Variants in ZCWPW2 observed in about 807,000 individuals in gnomAD.
The protein encoded by ZCWPW2 is zinc finger CW-type and PWWP domain containing 2, also known as zinc finger CW-type PWWP domain protein 2.
A neutral mutation model predicts 46.6 loss-of-function variants in ZCWPW2; 45 were observed. The ratio of observed to expected loss-of-function variants is 0.96; its 90% CI spans 0.76 to 1.24. ZCWPW2 has a LOEUF of 1.24. ZCWPW2 is among the 50% of genes most tolerant of loss of function. The pLI is 0.00. For missense variants in ZCWPW2, 429 were observed against 403.9 expected (o/e 1.06, Z -0.53); for synonymous variants, 152 against 137.1 (o/e 1.11, Z -0.76).
chr3:28,472,187 A>G (rs1699063334), intron 4 of ZCWPW2, among the ~76,000 whole-genome samples: 1 of 152,168 alleles, frequency 6.6e-6, no homozygotes, highest in Non-Finnish European at 1.5e-5. Context: ...CCCTATGAAA[A>G]TACCAATGAC....
intron 4 of ZCWPW2, among the ~76,000 whole-genome samples, chr3:28,471,915 G>A (rs1028184037): frequency 2.6e-5 from 4 of 151,988 alleles, no homozygotes; most frequent in Non-Finnish European, 4.4e-5. Context: ...ACATCAGTGG[G>A]ATATTTATAT....
chr3:28,435,409 A>T, intron 4 of ZCWPW2, 140 bp downstream of exon 4: 2 of 716,546 alleles, frequency 2.8e-6, no homozygotes, highest in Non-Finnish European at 4.0e-6. Flanking sequence ...AAATATTTGT[A>T]TTTTTAGTGT....
At chr3:28,479,804 A>C (rs751970171) in intron 5 of ZCWPW2, among the ~76,000 whole-genome samples, 2 of 152,284 alleles carry the variant, frequency 1.3e-5, no homozygotes, top group Non-Finnish European at 2.9e-5. Flanking sequence ...TTAGTTTGCT[A>C]ATGCTAATGG....
chr3:28,453,795 GTATA>G (rs564136567), intron 4 of ZCWPW2, among the ~76,000 whole-genome samples: 51 of 142,952 alleles, frequency 3.6e-4, no homozygotes, highest in Admixed American at 2.1e-3. Flanking sequence ...TTATAATTGT[GTATA>G]TTTATTTATT....
At position 28,413,236 on chromosome 3, in the gene ZCWPW2, A is replaced by T; in HGVS notation, c.168A>T (p.Glu56Asp). Residue 56 changes from glutamate to aspartate, a missense_variant, in exon 3 of 10, where the codon GAA (glutamate) becomes GAT (aspartate). By Grantham distance (45) the Glu-to-Asp change is conservative (BLOSUM62 2). Transcript: ENST00000383768. ...ATTCAGCCAAGGTTGATCATGATGA[A>T]CCATGGTACTGCTTCATGAACACTG... is the stretch of plus-strand genomic sequence containing the variant. ...SEDSAKVDHDEPWYCFMNTDS... is the reference protein window; with the variant it reads ...SEDSAKVDHDDPWYCFMNTDS... 6.2e-7 allele frequency: 1 copy of T among 1,613,378 alleles called. No individual in the cohort carries two copies. The highest frequency in any genetic ancestry group is 8.5e-7 in the Non-Finnish European group (1 of 1,179,558).
At chr3:28,392,714 G>A (rs1204558219) in intron 2 of ZCWPW2, among the ~76,000 whole-genome samples, 1 of 151,814 alleles carries the variant, frequency 6.6e-6, no homozygotes, top group African/African-American at 2.4e-5. Context: ...CACAACCAAT[G>A]GCTCACTGAA....
chr3:28,430,987 A>G, intron 3 of ZCWPW2, among the ~76,000 whole-genome samples: 1 of 152,222 alleles, frequency 6.6e-6, no homozygotes, highest in East Asian at 1.9e-4. Flanking sequence ...ATGAACTAAT[A>G]CAAGTAATAA....
At chr3:28,458,408 A>G (rs914515311) in intron 4 of ZCWPW2, among the ~76,000 whole-genome samples, 6 of 152,242 alleles carry the variant, frequency 3.9e-5, no homozygotes, top group Non-Finnish European at 8.8e-5. Context: ...GAACTCCTAT[A>G]GAAATTAAAT....
chr3:28,384,961 C>T (rs767668699), intron 1 of ZCWPW2, among the ~76,000 whole-genome samples: 1 of 152,124 alleles, frequency 6.6e-6, no homozygotes, highest in Non-Finnish European at 1.5e-5. Context: ...TACATTTCTA[C>T]TTCAATATTA....
At chr3:28,513,986 A>G (rs1700496684) in intron 6 of ZCWPW2, 78 bp from the exon 7 acceptor site, 1 of 1,161,674 alleles carries the variant, frequency 8.6e-7, no homozygotes, top group Non-Finnish European at 1.1e-6. Flanking sequence ...AATTACTTGA[A>G]CTGCATGGGA....
At chr3:28,379,830 A>G (rs1363171720) in intron 1 of ZCWPW2, among the ~76,000 whole-genome samples, 2 of 152,208 alleles carry the variant, frequency 1.3e-5, no homozygotes, top group East Asian at 1.9e-4. Flanking sequence ...AGCTCAAGTA[A>G]CATATCAAGA....
At chr3:28,365,040 G>C (rs1045309756) in intron 1 of ZCWPW2, among the ~76,000 whole-genome samples, 3 of 151,854 alleles carry the variant, frequency 2.0e-5, no homozygotes, top group Non-Finnish European at 4.4e-5. Flanking sequence ...GTAGATTCTG[G>C]ATATTAGCCC....
At chr3:28,370,322 G>A (rs948087869) in intron 1 of ZCWPW2, among the ~76,000 whole-genome samples, 6 of 152,120 alleles carry the variant, frequency 3.9e-5, no homozygotes, top group African/African-American at 9.7e-5. Context: ...ATTCATTGTC[G>A]CATAACAACC....
intron 5 of ZCWPW2, among the ~76,000 whole-genome samples, chr3:28,482,651 A>C (rs1699470035): frequency 6.6e-6 from 1 of 152,120 alleles, no homozygotes; most frequent in Non-Finnish European, 1.5e-5. Flanking sequence ...CCACATCCTC[A>C]TCAATATTTG....
At chr3:28,402,530 G>A (rs1695989208) in intron 2 of ZCWPW2, among the ~76,000 whole-genome samples, 1 of 151,978 alleles carries the variant, frequency 6.6e-6, no homozygotes, top group South Asian at 2.1e-4. Flanking sequence ...AAAGAAAGAG[G>A]GAACCTTTCC....
chr3:28,370,304 C>CA (rs1375200037), intron 1 of ZCWPW2, among the ~76,000 whole-genome samples: 1 of 152,112 alleles, frequency 6.6e-6, no homozygotes, highest in East Asian at 1.9e-4. Context: ...TGCTTCACCC[C>CA]AAAAAACATT....
intron 1 of ZCWPW2, among the ~76,000 whole-genome samples, chr3:28,387,315 C>A (rs1695315716): frequency 6.6e-6 from 1 of 152,172 alleles, no homozygotes; most frequent in African/African-American, 2.4e-5. Flanking sequence ...AAGGATTCCC[C>A]ATCATTTCTA....
intron 6 of ZCWPW2, among the ~76,000 whole-genome samples, chr3:28,510,345 T>C (rs905502863): frequency 2.0e-5 from 3 of 152,204 alleles, no homozygotes; most frequent in African/African-American, 7.2e-5. Context: ...CTTTGGCCCA[T>C]GGAATAACGT....
chr3:28,424,266 CACAG>C (rs1452271399), intron 3 of ZCWPW2, among the ~76,000 whole-genome samples: 32 of 148,482 alleles, frequency 2.2e-4, no homozygotes, highest in African/African-American at 7.1e-4. Flanking sequence ...CACACACACA[CACAG>C]AGCCTTTAAA....
Sources: gnomAD v4.1 joint callset for allele counts (sites outside exome capture counted in the v4.1 genomes callset) on GRCh38, gnomAD v4.1.1 for gene constraint, MANE v1.5 for transcripts, NCBI Gene and HGNC (gene_info 2026-07-23, HGNC 2026-07-21) for gene names.